Variants in MICAL2 observed in about 807,000 individuals in gnomAD.
MICAL2 encodes the protein [F-actin]-monooxygenase MICAL2.
In MICAL2, 77 loss-of-function variants were observed where a neutral mutation model predicts 127.3. The observed-to-expected ratio is 0.60, with a 90% CI of 0.50 to 0.73. The LOEUF (loss-of-function observed/expected upper bound fraction) is 0.73. MICAL2 is among the 30% of genes least tolerant of loss of function. The probability of loss-of-function intolerance (pLI) is 0.00; values close to 1 mark genes in which losing one functional copy is unlikely to be tolerated. For synonymous variants in MICAL2, 570 were observed against 551.1 expected, an observed-to-expected ratio of 1.03 and a Z score of -0.48; for missense variants, 1,351 against 1,434.4, an observed-to-expected ratio of 0.94 and a Z score of 0.94.
intron 1 of MICAL2, among the ~76,000 whole-genome samples, chr11:12,130,214 T>A (rs1851302040): frequency 6.6e-6 from 1 of 152,112 alleles, no homozygotes; most frequent in African/African-American, 2.4e-5. Flanking sequence ...GGGAGAGCAT[T>A]GTAGCTTGAA....
intron 22 of MICAL2, chr11:12,252,546 C>G (rs7949735): frequency 0.62 from 94,996 of 152,142 alleles, 29,977 homozygotes; most frequent in Middle Eastern, 0.76. Flanking sequence ...GCTTCCTAAT[C>G]AGAAAGGGAG....
At chr11:12,175,926 C>G (rs1274112554) in intron 3 of MICAL2, among the ~76,000 whole-genome samples, 1 of 152,056 alleles carries the variant, frequency 6.6e-6, no homozygotes, top group Non-Finnish European at 1.5e-5. Context: ...CCTTGGAACC[C>G]TTGAAAGGAC....
chr11:12,202,765 C>A (rs1285075124), intron 3 of MICAL2, among the ~76,000 whole-genome samples: 1 of 152,186 alleles, frequency 6.6e-6, no homozygotes, highest in South Asian at 2.1e-4. Flanking sequence ...AAGCTCTGTA[C>A]CATGTTTTTT....
At chr11:12,293,082 TG>T (rs1483798535), downstream of MICAL2, among the ~76,000 whole-genome samples, 5 of 152,234 alleles carry the variant, frequency 3.3e-5, no homozygotes, top group Admixed American at 3.3e-4. Flanking sequence ...CTTACTTTGA[TG>T]GCCTCCAAGG....
At chr11:12,129,031 T>G (rs1851183640) in intron 1 of MICAL2, among the ~76,000 whole-genome samples, 2 of 152,228 alleles carry the variant, frequency 1.3e-5, no homozygotes, top group African/African-American at 4.8e-5. Context: ...GGGTAGAATG[T>G]CCATCCTCTC....
chr11:12,262,016 CT>C, intron 26 of MICAL2: 1 of 1,001,548 alleles, frequency 1.0e-6, no homozygotes, highest in African/African-American at 1.7e-5. Flanking sequence ...GAATCTCTGA[CT>C]GTCGTGTACA....
At chr11:12,234,981 C>A (rs370342725) in intron 15 of MICAL2, among the ~76,000 whole-genome samples, 6 of 152,130 alleles carry the variant, frequency 3.9e-5, no homozygotes, top group African/African-American at 1.4e-4. Context: ...TATGGGCCTG[C>A]GATGGAAGCC....
intron 2 of MICAL2, among the ~76,000 whole-genome samples, chr11:12,153,026 C>T (rs1853768275): frequency 6.6e-6 from 1 of 151,192 alleles, no homozygotes; most frequent in African/African-American, 2.4e-5. Context: ...TCATTTTAAC[C>T]TTTTTTTTGT....
At chr11:12,141,893 G>C (rs1024323760) in intron 2 of MICAL2, among the ~76,000 whole-genome samples, 3 of 152,200 alleles carry the variant, frequency 2.0e-5, no homozygotes, top group Admixed American at 2.0e-4. Context: ...AAGGGGAAAG[G>C]CTAGGGAAGG....
In MICAL2 at chr11:12,110,980, CTA is replaced by C. The variant is rs1168581974; in HGVS notation, c.-149+255_-149+256del. Among the ~76,000 whole-genome samples the C allele has an allele frequency of 2.0e-5, 3 of 152,202 alleles. No individual in the cohort carries two copies. Among genetic ancestry groups the C allele is most frequent in the Non-Finnish European group, 4.4e-5 (3 of 68,038 alleles). On this transcript the variant is annotated intron_variant, in intron 1 of 27. Coordinates refer to ENST00000683283, the MANE Select transcript of MICAL2 (RefSeq NM_001282663.2). This position sits in a 1 kb window ranked among gnomAD's most constrained non-coding sequence, Gnocchi z 4.5. ...AAAAGCCTCCCACCGGCACGCCGAA[CTA>C]CCTCTTACTCCGCTCCGCAACACCC...
At chr11:12,126,337 A>G (rs1463013955) in intron 1 of MICAL2, among the ~76,000 whole-genome samples, 1 of 152,214 alleles carries the variant, frequency 6.6e-6, no homozygotes, top group African/African-American at 2.4e-5. Context: ...AGAAGTATGT[A>G]CTTTGCTTTG....
chr11:12,361,661 A>C (rs1939206541), downstream of MICAL2, among the ~76,000 whole-genome samples: 1 of 152,240 alleles, frequency 6.6e-6, no homozygotes, highest in Admixed American at 6.5e-5. Flanking sequence ...TGCAACCGAG[A>C]AAGGAAGTGG....
At chr11:12,203,848 G>A (rs1451174056) in intron 3 of MICAL2, among the ~76,000 whole-genome samples, 1 of 152,114 alleles carries the variant, frequency 6.6e-6, no homozygotes, top group African/African-American at 2.4e-5. Flanking sequence ...AGACCACAAA[G>A]ATGTACCATA....
At chr11:12,297,408 T>G (rs1863999048) in intron 29 of MICAL2, among the ~76,000 whole-genome samples, 1 of 152,182 alleles carries the variant, frequency 6.6e-6, no homozygotes, top group Non-Finnish European at 1.5e-5. Context: ...GGATTCTTTA[T>G]CAAAAGGGAA....
chr11:12,343,266 G>T (rs1232052725), intron 32 of MICAL2, among the ~76,000 whole-genome samples: 1 of 151,956 alleles, frequency 6.6e-6, no homozygotes, highest in Non-Finnish European at 1.5e-5. Flanking sequence ...AAATTAGCCA[G>T]GCATGGTGGC....
chr11:12,141,576 C>A (rs962163730), intron 2 of MICAL2, among the ~76,000 whole-genome samples: 4 of 152,196 alleles, frequency 2.6e-5, no homozygotes, highest in African/African-American at 9.7e-5. Flanking sequence ...TTCTGCCAAG[C>A]AGCATGGGAG....
intron 29 of MICAL2, among the ~76,000 whole-genome samples, chr11:12,317,528 C>T (rs1440775546): frequency 6.6e-6 from 1 of 152,188 alleles, no homozygotes; most frequent in African/African-American, 2.4e-5. Flanking sequence ...TGCAGTGGCT[C>T]ACACCTATAA....
At chr11:12,143,930 GGA>G (rs1852609835) in intron 2 of MICAL2, among the ~76,000 whole-genome samples, 2 of 152,046 alleles carry the variant, frequency 1.3e-5, no homozygotes, top group African/African-American at 2.4e-5. Context: ...GAATAATGGC[GGA>G]GAGAGAGAGG....
rs546449418 is a variant in MICAL2, at chr11:12,354,387, G to A, written c.5616-397G>A. On this transcript the variant is annotated intron_variant, in intron 33 of 34. Coordinates refer to the MICAL2 transcript ENST00000646065. ...CTCAGGAGGCTGAGGCAGGAAAATC[G>A]CTTGAACCTGGGAGGTGGAGGTTGC... 4.2e-4 allele frequency among the ~76,000 whole-genome samples: 64 copies of A among 151,874 alleles called. 1 individual carries two copies. In the South Asian group the frequency reaches 0.013, roughly 31 times the overall value.
Sources: allele counts gnomAD v4.1 joint callset (sites outside exome capture counted in the v4.1 genomes callset), GRCh38; gene constraint gnomAD v4.1.1; non-coding constraint Gnocchi (gnomAD v3.1); transcripts MANE v1.5; gene names NCBI Gene and HGNC (gene_info 2026-07-23, HGNC 2026-07-21).